DNM3: variants seen among roughly 807,000 people sequenced by gnomAD.
DNM3 encodes dynamin-3.
A neutral mutation model predicts 101.6 loss-of-function variants in DNM3; 47 were observed. That is an observed-to-expected ratio of 0.46 (90% CI 0.37 to 0.59). The LOEUF is 0.59. Among genes scored for constraint, DNM3 ranks in the 20% least tolerant of loss-of-function variants. DNM3 has a pLI of 0.00. For synonymous variants in DNM3, 385 were observed against 387.9 expected, an observed-to-expected ratio of 0.99 and a Z score of 0.09; for missense variants, 849 against 1,085.7, an observed-to-expected ratio of 0.78 and a Z score of 3.06.
At chr1:172,057,785 A>G (rs187808695) in intron 10 of DNM3, among the ~76,000 whole-genome samples, 9 of 151,784 alleles carry the variant, frequency 5.9e-5, no homozygotes, top group Middle Eastern at 3.4e-3. Context: ...AACTGCATCA[A>G]CTAACGAGCA....
chr1:172,026,194 A>C (rs1055923197), intron 4 of DNM3, among the ~76,000 whole-genome samples: 2 of 152,106 alleles, frequency 1.3e-5, no homozygotes, highest in African/African-American at 4.8e-5. Flanking sequence ...AATCAAGCGG[A>C]AGAAAGGATA....
chr1:171,929,131 G>A (rs936467307), intron 2 of DNM3, among the ~76,000 whole-genome samples: 2 of 152,112 alleles, frequency 1.3e-5, no homozygotes, highest in African/African-American at 2.4e-5. Context: ...GCTCTGTTGG[G>A]GCATCTGCTT....
chr1:172,079,107 C>G (rs1463432039), intron 11 of DNM3, among the ~76,000 whole-genome samples: 1 of 152,096 alleles, frequency 6.6e-6, no homozygotes, highest in East Asian at 1.9e-4. Flanking sequence ...TGGGGTTGCT[C>G]TTCTTGAGGA....
At chr1:172,035,295 C>A (rs1392175471) in intron 6 of DNM3, among the ~76,000 whole-genome samples, 1 of 152,094 alleles carries the variant, frequency 6.6e-6, no homozygotes, top group Non-Finnish European at 1.5e-5. Flanking sequence ...GAGGAGAAGT[C>A]AATCAACTGG....
At position 172,129,440 on chromosome 1, in the gene DNM3, C is replaced by T. The variant is rs116434607; in HGVS notation, c.1546-1735C>T. On this transcript the variant is annotated intron_variant, in intron 13 of 20. Transcript: ENST00000627582. ...TGATTGTAATATAACTGGTAGAAACCATACTGTATTAGTCTGTCTTCATGC... is the reference window on the plus strand; with the variant it reads ...TGATTGTAATATAACTGGTAGAAACTATACTGTATTAGTCTGTCTTCATGC... 8.7e-3 allele frequency among the ~76,000 whole-genome samples: 1,324 copies of T among 152,116 alleles called. 27 individuals are homozygous for T. Among genetic ancestry groups the T allele is most frequent in the African/African-American group, 0.03 (1,235 of 41,508 alleles).
At chr1:172,143,842 A>C (rs2057728031) in intron 14 of DNM3, among the ~76,000 whole-genome samples, 1 of 152,116 alleles carries the variant, frequency 6.6e-6, no homozygotes, top group Non-Finnish European at 1.5e-5. Context: ...TCCCATCTGC[A>C]TTGTCTGGTA....
chr1:172,304,531 A>T (rs2148859979), intron 15 of DNM3, among the ~76,000 whole-genome samples: 1 of 152,292 alleles, frequency 6.6e-6, no homozygotes, highest in South Asian at 2.1e-4. Context: ...CACCAAGAAG[A>T]CCTAATAGAC....
intron 2 of DNM3, among the ~76,000 whole-genome samples, chr1:171,982,415 C>G (rs1356400856): frequency 6.6e-6 from 1 of 152,116 alleles, no homozygotes; most frequent in Admixed American, 6.5e-5. Context: ...ACAGGTAGCC[C>G]TTTCCTGAAA....
chr1:172,240,840 A>G (rs546660546), intron 14 of DNM3, among the ~76,000 whole-genome samples: 3 of 152,186 alleles, frequency 2.0e-5, no homozygotes, highest in Non-Finnish European at 4.4e-5. Flanking sequence ...TAAAAAATAT[A>G]AATTGCAATG....
intron 14 of DNM3, among the ~76,000 whole-genome samples, chr1:172,227,291 T>TATATATAC (rs1254785607): frequency 7.4e-6 from 1 of 134,868 alleles, no homozygotes; most frequent in Non-Finnish European, 1.5e-5. Context: ...TATATATATA[T>TATATATAC]ATATATATAT....
chr1:172,209,041 G>A lies in DNM3; in HGVS notation c.1660-44532G>A, dbSNP rs1439334875. ...GTGTCCCCCACCCCCAAATTCATAT[G>A]GTGAAGCTCTAACCCTCAGTGCCAG... On this transcript the variant is annotated intron_variant, in intron 14 of 20. Transcript: ENST00000627582. 3.3e-5 allele frequency among the ~76,000 whole-genome samples: 5 copies of A among 152,054 alleles called. No individual in the cohort carries two copies. The East Asian group carries it at 7.7e-4, about 24-fold the overall frequency.
intron 10 of DNM3, among the ~76,000 whole-genome samples, chr1:172,065,006 G>A (rs950000176): frequency 2.0e-5 from 3 of 152,166 alleles, no homozygotes; most frequent in African/African-American, 7.2e-5. Context: ...TGGGCAGTAA[G>A]CTTGAAAAGA....
chr1:172,266,191 G>A (rs964861396), intron 15 of DNM3, among the ~76,000 whole-genome samples: 1 of 152,080 alleles, frequency 6.6e-6, no homozygotes, highest in Non-Finnish European at 1.5e-5. Flanking sequence ...TTAGAGTCAG[G>A]TTGTTCATTT....
intron 14 of DNM3, among the ~76,000 whole-genome samples, chr1:172,204,161 T>C (rs1415060723): frequency 6.6e-6 from 1 of 152,186 alleles, no homozygotes; most frequent in Non-Finnish European, 1.5e-5. Context: ...CAAGGAAACA[T>C]CACAATATAA....
intron 16 of DNM3, among the ~76,000 whole-genome samples, chr1:172,320,140 C>T (rs1269528672): frequency 1.3e-5 from 2 of 150,090 alleles, no homozygotes; most frequent in African/African-American, 4.9e-5. Flanking sequence ...GGACAAAAAC[C>T]GAAACACCAC....
At position 172,350,316 on chromosome 1, in the gene DNM3, TTGTG is replaced by T. The variant is rs5778730; in HGVS notation, c.1893+27002_1893+27005del. Among the ~76,000 whole-genome samples, 340 of 147,876 alleles carry T rather than the reference TTGTG, an allele frequency of 2.3e-3. 3 individuals are homozygous for T. Among genetic ancestry groups the T allele is most frequent in the African/African-American group, 4.6e-3 (184 of 39,782 alleles). On this transcript the variant is annotated intron_variant, in intron 17 of 20. Transcript: ENST00000627582. ...ATTTTTCATACCCTTCCATTTTATC[TTGTG>T]TGTGTGTGTGTGTGTGTGTGTGTGT... is the stretch of plus-strand genomic sequence containing the variant.
chr1:172,163,751 C>G (rs1315753720), intron 14 of DNM3, among the ~76,000 whole-genome samples: 5 of 152,006 alleles, frequency 3.3e-5, no homozygotes, highest in Admixed American at 3.3e-4. Context: ...CTTTCTGTGT[C>G]TGGTTTATTT....
intron 14 of DNM3, among the ~76,000 whole-genome samples, chr1:172,233,279 A>G (rs2061408055): frequency 1.3e-5 from 2 of 152,232 alleles, no homozygotes; most frequent in Admixed American, 6.5e-5. Flanking sequence ...CAAATAAACT[A>G]GAAAATCTAG....
At chr1:172,199,035 G>T (rs1399229927) in intron 14 of DNM3, among the ~76,000 whole-genome samples, 2 of 152,168 alleles carry the variant, frequency 1.3e-5, no homozygotes, top group African/African-American at 4.8e-5. Context: ...ACTTTTTGAT[G>T]TAGGCATTAA....
Sources: gnomAD v4.1 joint callset for allele counts (sites outside exome capture counted in the v4.1 genomes callset) on GRCh38, gnomAD v4.1.1 for gene constraint, MANE v1.5 for transcripts, NCBI Gene and HGNC (gene_info 2026-07-23, HGNC 2026-07-21) for gene names.